P3H2: variants seen among roughly 807,000 people sequenced by gnomAD.
The protein encoded by P3H2 is prolyl 3-hydroxylase 2.
Under a neutral mutation model 87.0 loss-of-function variants are expected in P3H2, and 80 were observed. That is an observed-to-expected ratio of 0.92 (90% CI 0.77 to 1.11). P3H2 has a LOEUF of 1.11. Among genes scored for constraint, P3H2 ranks in the 50% least tolerant of loss-of-function variants. The probability of loss-of-function intolerance (pLI) is 0.00; values close to 1 mark genes in which losing one functional copy is unlikely to be tolerated. For synonymous variants in P3H2, 367 were observed against 359.3 expected, an observed-to-expected ratio of 1.02 and a Z score of -0.24; for missense variants, 1,001 against 923.9, an observed-to-expected ratio of 1.08 and a Z score of -1.08.
At chr3:190,079,385 T>TA (rs1726973472) in intron 1 of P3H2, among the ~76,000 whole-genome samples, 1 of 142,808 alleles carries the variant, frequency 7.0e-6, no homozygotes, top group Non-Finnish European at 1.5e-5. Flanking sequence ...AATAAATAAA[T>TA]AATCCTTATC....
intron 1 of P3H2, among the ~76,000 whole-genome samples, chr3:190,031,608 G>C (rs1370610463): frequency 6.7e-6 from 1 of 150,140 alleles, no homozygotes; most frequent in African/African-American, 2.5e-5. Flanking sequence ...CTGCACTCCA[G>C]CCTCTGTGAG....
At chr3:189,969,640 G>C (rs9822091) in intron 13 of P3H2, 12 of 1,186,972 alleles carry the variant, frequency 1.0e-5, no homozygotes, top group Non-Finnish European at 1.3e-5. Flanking sequence ...TGGTCGCCTG[G>C]TAGTTGACCT....
At chr3:190,075,243 T>G (rs543011752) in intron 1 of P3H2, among the ~76,000 whole-genome samples, 1 of 152,282 alleles carries the variant, frequency 6.6e-6, no homozygotes, top group African/African-American at 2.4e-5. Context: ...CCCAGCACTT[T>G]GGGAGGCCAA....
At chr3:190,052,187 A>G (rs916051294) in intron 1 of P3H2, among the ~76,000 whole-genome samples, 6 of 152,146 alleles carry the variant, frequency 3.9e-5, no homozygotes, top group African/African-American at 9.7e-5. Context: ...CCTGTCATTC[A>G]GGTTCTAAGT....
intron 1 of P3H2, among the ~76,000 whole-genome samples, chr3:189,996,535 G>C (rs1303973195): frequency 6.6e-6 from 1 of 152,176 alleles, no homozygotes; most frequent in Non-Finnish European, 1.5e-5. Context: ...AATTTCTGGT[G>C]TTCTATTGCA....
intron 14 of P3H2, among the ~76,000 whole-genome samples, chr3:189,958,956 T>C (rs1722724047): frequency 6.6e-6 from 1 of 151,964 alleles, no homozygotes; most frequent in Non-Finnish European, 1.5e-5. Context: ...CCCAAAGTGC[T>C]GGGATTACAG....
In P3H2 at chr3:189,983,080, C is replaced by CT. The variant is rs1560347618; in HGVS notation, c.1289dup (p.Leu431AlafsTer18). On this transcript the variant is annotated frameshift_variant, in exon 8 of 15. Transcript: ENST00000319332. LOFTEE classifies it high-confidence loss of function. ...GGTCTCGATCTATCTTGGGTGATAG[C>CT]TTTTTTCCCATTGAGAATCCATGAA... 1.2e-6 allele frequency: 2 copies of CT among 1,613,852 alleles called. No individual in the cohort carries two copies. Among genetic ancestry groups the CT allele is most frequent in the Admixed American group, 1.7e-5 (1 of 60,002 alleles).
intron 1 of P3H2, among the ~76,000 whole-genome samples, chr3:190,095,134 T>A (rs1727528814): frequency 6.6e-6 from 1 of 151,686 alleles, no homozygotes; most frequent in Non-Finnish European, 1.5e-5. Flanking sequence ...ATTATAACAC[T>A]TTTAGAAGTT....
Position 190,035,776 on chromosome 3 carries a change from T to C in P3H2, c.481-40334A>G, listed in dbSNP as rs143510665. Among the ~76,000 whole-genome samples, 735 of 152,262 alleles carry C rather than the reference T, an allele frequency of 4.8e-3. 2 individuals carry two copies. Among genetic ancestry groups the C allele is most frequent in the Non-Finnish European group, 7.8e-3 (533 of 68,028 alleles). On this transcript the variant is annotated intron_variant, in intron 1 of 14. Transcript: ENST00000319332. ...AAAGGCTAAATACCTTCTGTTGGGC[T>C]TTAGGCTGCTTGGGGGATTTAAAGC...
chr3:190,072,967 C>A (rs1726754168), intron 1 of P3H2, among the ~76,000 whole-genome samples: 1 of 152,150 alleles, frequency 6.6e-6, no homozygotes. Flanking sequence ...ATTCTTAAAT[C>A]ACTATTGTAA....
intron 1 of P3H2, among the ~76,000 whole-genome samples, chr3:190,041,304 A>C (rs1725628151): frequency 1.4e-5 from 2 of 147,612 alleles, no homozygotes; most frequent in Admixed American, 1.4e-4. Context: ...AAAAGCACTA[A>C]AATTTGTGTT....
Position 189,974,540 on chromosome 3 carries a change from C to T in P3H2, c.1452+18G>A, listed in dbSNP as rs1723284685. 6 of 1,613,022 alleles carry T rather than the reference C, an allele frequency of 3.7e-6. No homozygotes were observed. Among genetic ancestry groups the T allele is most frequent in the Non-Finnish European group, 5.1e-6 (6 of 1,180,020 alleles). On this transcript the variant is annotated intron_variant, in intron 9 of 14. Transcript: ENST00000319332. ...GCAGGCCAGCGCAGTGAGCTCCCCT[C>T]CTTCTCCGGATCCTCACACTGGCCA...
At chr3:190,103,057 C>CT (rs371260906) in intron 1 of P3H2, among the ~76,000 whole-genome samples, 160 of 152,234 alleles carry the variant, frequency 1.1e-3, no homozygotes, top group African/African-American at 3.5e-3. Context: ...TTATTGCATA[C>CT]TTAACAGACT....
At chr3:189,980,183 C>T (rs1419879523) in intron 8 of P3H2, among the ~76,000 whole-genome samples, 1 of 152,134 alleles carries the variant, frequency 6.6e-6, no homozygotes, top group Non-Finnish European at 1.5e-5. Flanking sequence ...GAGTAGATGA[C>T]AGTCTCTTTG....
intron 14 of P3H2, among the ~76,000 whole-genome samples, chr3:189,959,342 T>C (rs1722739311): frequency 1.3e-5 from 2 of 151,152 alleles, no homozygotes. Context: ...GCCATGCTGG[T>C]GCGCTGCACC....
intron 1 of P3H2, among the ~76,000 whole-genome samples, chr3:190,066,481 CA>C (rs1179922319): frequency 6.6e-6 from 1 of 151,794 alleles, no homozygotes; most frequent in African/African-American, 2.4e-5. Flanking sequence ...TTCAGGGACT[CA>C]GGGGGTAAGG....
At chr3:190,015,383 T>A (rs1424099179) in intron 1 of P3H2, among the ~76,000 whole-genome samples, 1 of 152,172 alleles carries the variant, frequency 6.6e-6, no homozygotes, top group Non-Finnish European at 1.5e-5. Flanking sequence ...AGAAACTAAA[T>A]TGTGAAAAAA....
intron 1 of P3H2, among the ~76,000 whole-genome samples, chr3:190,046,677 T>C (rs1022742303): frequency 7.2e-5 from 11 of 152,070 alleles, no homozygotes; most frequent in East Asian, 1.9e-4. Context: ...TCAAAATTGA[T>C]GCAAATGGAT....
intron 1 of P3H2, among the ~76,000 whole-genome samples, chr3:190,073,439 T>A (rs1300757674): frequency 1.3e-5 from 2 of 152,272 alleles, no homozygotes; most frequent in East Asian, 3.9e-4. Flanking sequence ...AATCTGCTTG[T>A]TTTCAGCTTC....
Sources: allele counts gnomAD v4.1 joint callset (sites outside exome capture counted in the v4.1 genomes callset), GRCh38; gene constraint gnomAD v4.1.1; transcripts MANE v1.5; gene names NCBI Gene and HGNC (gene_info 2026-07-23, HGNC 2026-07-21).